ANK3: variants seen among roughly 807,000 people sequenced by gnomAD.
The protein encoded by ANK3 is ankyrin-3.
A neutral mutation model predicts 370.9 loss-of-function variants in ANK3; 57 were observed. That is an observed-to-expected ratio of 0.15 (90% CI 0.12 to 0.19). The LOEUF is 0.19. Among genes scored for constraint, ANK3 ranks in the 10% least tolerant of loss-of-function variants. The pLI is 1.00. For synonymous variants in ANK3, 1,929 were observed against 1,946.3 expected, an observed-to-expected ratio of 0.99 and a Z score of 0.23; for missense variants, 4,439 against 5,302.1, an observed-to-expected ratio of 0.84 and a Z score of 5.06.
intron 1 of ANK3, among the ~76,000 whole-genome samples, chr10:60,363,446 G>C (rs2058935381): frequency 6.6e-6 from 1 of 152,160 alleles, no homozygotes; most frequent in Non-Finnish European, 1.5e-5. Context: ...TCTGGATAGA[G>C]GCAAGAAAAT....
At chr10:60,550,480 T>C (rs2077064959) in intron 2 of ANK3, among the ~76,000 whole-genome samples, 1 of 151,984 alleles carries the variant, frequency 6.6e-6, no homozygotes, top group Non-Finnish European at 1.5e-5. Flanking sequence ...TGTAAATTTC[T>C]AAAAAGTCTA....
intron 1 of ANK3, among the ~76,000 whole-genome samples, chr10:60,348,005 C>T (rs2053842619): frequency 6.6e-6 from 1 of 152,120 alleles, no homozygotes; most frequent in South Asian, 2.1e-4. Flanking sequence ...CCCCCAACCC[C>T]TCACCACCAC....
intron 1 of ANK3, among the ~76,000 whole-genome samples, chr10:60,648,764 T>C (rs1252695436): frequency 1.1e-4 from 4 of 36,488 alleles, no homozygotes; most frequent in East Asian, 1.1e-3. Context: ...AATAAGACTG[T>C]CTTAAAAAAA....
rs139416335 is a variant in ANK3 at position 60,037,807 on chromosome 10, C to T, written c.*19+4865G>A. ...AATTTATATTCCTTTGGTTTATACACCCAATAATGGGATTGCTGGGTTGAA... is the reference window on the plus strand; with the variant it reads ...AATTTATATTCCTTTGGTTTATACATCCAATAATGGGATTGCTGGGTTGAA... On this transcript the variant is annotated intron_variant, in intron 43 of 43. Coordinates refer to ENST00000280772, the MANE Select transcript of ANK3 (RefSeq NM_020987.5). Among the ~76,000 whole-genome samples, 497 of 152,268 alleles carry T rather than the reference C, an allele frequency of 3.3e-3. 1 individual carries two copies. The highest frequency in any genetic ancestry group is 0.014 in the Middle Eastern group (4 of 294).
At position 60,134,379 on chromosome 10, in the gene ANK3, G is replaced by C. The variant is rs751180400; in HGVS notation, c.2739-6C>G. 5.0e-6 allele frequency: 8 copies of C among 1,607,704 alleles called. No homozygotes were observed. The highest frequency in any genetic ancestry group is 1.3e-5 in the African/African-American group (1 of 74,666). ...CCGAACTGAAGGAGCGGAGGCTGTT[G>C]TATTTACAGTTAACCATTCAACAGT... On this transcript the variant is annotated splice_region_variant and splice_polypyrimidine_tract_variant and intron_variant, in intron 24 of 43. Transcript: ENST00000280772.
chr10:60,646,400 A>G (rs1655405489), intron 1 of ANK3, among the ~76,000 whole-genome samples: 1 of 152,178 alleles, frequency 6.6e-6, no homozygotes, highest in Admixed American at 6.5e-5. Context: ...AAGTCTAAAG[A>G]TAAGAAAACC....
rs1264037458 is a variant in ANK3 at position 60,074,447 on chromosome 10, T to C, written c.6434A>G (p.Glu2145Gly). Residue 2145 changes from glutamate to glycine, a missense_variant, in exon 37 of 44, where the codon GAA becomes GGA. This residue lies in a region of ANK3 where 1,601 missense variants were observed against 1,731.7 expected (regional missense o/e 0.92). Coordinates refer to ENST00000280772, the MANE Select transcript of ANK3 (RefSeq NM_020987.5). ...EKTPSAPQSA[E>G]STGPKPLFHE... is the part of the protein sequence containing the mutation. ...AAAAAGTGGTTTAGGACCAGTGCTT[T>C]CAGCGCTTTGTGGGGCTGAAGGTGT... 7 of 1,614,140 alleles carry C rather than the reference T, an allele frequency of 4.3e-6. No homozygotes were observed. The highest frequency in any genetic ancestry group is 5.9e-6 in the Non-Finnish European group (7 of 1,179,986).
chr10:60,351,552 A>G (rs2056874005), intron 1 of ANK3, among the ~76,000 whole-genome samples: 1 of 152,202 alleles, frequency 6.6e-6, no homozygotes, highest in Admixed American at 6.5e-5. Context: ...AAAATAAAAG[A>G]CTACTCATTT....
intron 1 of ANK3, among the ~76,000 whole-genome samples, chr10:60,318,162 T>C (rs1325541832): frequency 1.3e-5 from 2 of 152,160 alleles, no homozygotes; most frequent in African/African-American, 2.4e-5. Context: ...TATAGGTAAA[T>C]GTGTGCCATG....
intron 1 of ANK3, among the ~76,000 whole-genome samples, chr10:60,624,852 T>A (rs1324103724): frequency 1.3e-5 from 2 of 151,802 alleles, no homozygotes; most frequent in Non-Finnish European, 2.9e-5. Context: ...GAGAAAATAA[T>A]CAATTAAATG....
intron 1 of ANK3, among the ~76,000 whole-genome samples, chr10:60,644,161 T>C (rs933093016): frequency 3.9e-5 from 6 of 152,206 alleles, no homozygotes; most frequent in African/African-American, 7.2e-5. Context: ...GTAATGAATG[T>C]AAGATGACTT....
chr10:60,572,437 G>A lies in ANK3; in HGVS notation c.96+42749C>T, dbSNP rs1267839655. ...CTCCCCAGAGCCAGAGAACAATGAA[G>A]AGAACATGTTGCTTATTCATTTCTT... On this transcript the variant is annotated intron_variant, in intron 2 of 43. Transcript: ENST00000373827. 2.6e-6 allele frequency: 4 copies of A among 1,532,804 alleles called. No homozygotes were observed. In the African/African-American group the frequency reaches 4.1e-5, roughly 16 times the overall value. 95.0% of individuals were successfully genotyped at this position (1,532,804 alleles called of 1,614,324 possible). A position where few individuals can be genotyped will look rare whatever the true frequency, so the allele number is the denominator to read the frequency against.
At chr10:60,451,551 T>C (rs2064602838) in intron 2 of ANK3, among the ~76,000 whole-genome samples, 1 of 152,178 alleles carries the variant, frequency 6.6e-6, no homozygotes, top group Admixed American at 6.5e-5. Flanking sequence ...TGCTTCACGC[T>C]AGGGAGAAGC....
intron 42 of ANK3, among the ~76,000 whole-genome samples, chr10:60,046,365 C>T (rs2076964400): frequency 1.3e-5 from 2 of 152,144 alleles, no homozygotes; most frequent in African/African-American, 4.8e-5. Flanking sequence ...TGGAAATGTA[C>T]ACATCTTTGA....
intron 1 of ANK3, among the ~76,000 whole-genome samples, chr10:60,385,467 G>A (rs796418939): frequency 6.6e-6 from 1 of 151,966 alleles, no homozygotes; most frequent in African/African-American, 2.4e-5. Context: ...TCTTCTGGGT[G>A]TTACTGTAGT....
intron 1 of ANK3, among the ~76,000 whole-genome samples, chr10:60,323,379 T>A (rs1230813515): frequency 6.6e-6 from 1 of 152,184 alleles, no homozygotes; most frequent in Admixed American, 6.5e-5. Context: ...TAGGCTCTAG[T>A]GCTAGAGAAA....
Position 60,063,106 on chromosome 10 carries a change from A to G in ANK3, c.12595+5T>C, listed in dbSNP as rs770804749. 3.1e-6 allele frequency: 5 copies of G among 1,606,266 alleles called. No individual in the cohort carries two copies. In the South Asian group the frequency reaches 5.6e-5, roughly 18 times the overall value. ...TAAATAAATATGAACACTAAATTCGATTACCATCAACAGGGTCATGGAAAA... is the reference window on the plus strand; with the variant it reads ...TAAATAAATATGAACACTAAATTCGGTTACCATCAACAGGGTCATGGAAAA... On this transcript the variant is annotated splice_donor_5th_base_variant and intron_variant, in intron 40 of 43. Coordinates refer to ENST00000280772, the MANE Select transcript of ANK3 (RefSeq NM_020987.5).
chr10:60,282,594 A>G (rs75654031), intron 1 of ANK3, among the ~76,000 whole-genome samples: 90 of 152,188 alleles, frequency 5.9e-4, no homozygotes, highest in Non-Finnish European at 1.1e-3. Flanking sequence ...TTGCTCATGA[A>G]CTTGCATTTA....
intron 23 of ANK3, among the ~76,000 whole-genome samples, chr10:60,160,048 G>A (rs1238125127): frequency 8.6e-5 from 13 of 151,952 alleles, no homozygotes. Flanking sequence ...AAAATTTATA[G>A]AAGAAAATAA....
Sources: gnomAD v4.1 joint callset for allele counts (sites outside exome capture counted in the v4.1 genomes callset) on GRCh38, gnomAD v4.1.1 for gene constraint, gnomAD v4.1.1 regional missense constraint, MANE v1.5 for transcripts, NCBI Gene and HGNC (gene_info 2026-07-23, HGNC 2026-07-21) for gene names.